NAALADL2: variants seen among roughly 807,000 people sequenced by gnomAD.
NAALADL2 encodes the protein N-acetylated alpha-linked acidic dipeptidase like 2.
Under a neutral mutation model 87.2 loss-of-function variants are expected in NAALADL2, and 76 were observed. The observed-to-expected ratio is 0.87, with a 90% CI of 0.72 to 1.05. The LOEUF is 1.05. NAALADL2 is among the 50% of genes least tolerant of loss of function. The pLI is 0.00. For synonymous variants in NAALADL2, 354 were observed against 331.0 expected (o/e 1.07, Z -0.75); for missense variants, 1,089 against 945.8 (o/e 1.15, Z -1.99).
chr3:174,728,158 T>C (rs1195605470), intron 2 of NAALADL2, among the ~76,000 whole-genome samples: 3 of 152,090 alleles, frequency 2.0e-5, no homozygotes, highest in Non-Finnish European at 4.4e-5. Context: ...TTGGCAATTA[T>C]TAATAAAGAT....
chr3:175,377,448 ATC>A (rs1413393977), intron 5 of NAALADL2, among the ~76,000 whole-genome samples: 2 of 151,930 alleles, frequency 1.3e-5, no homozygotes, highest in Non-Finnish European at 2.9e-5. Context: ...GCTTCTTCAC[ATC>A]TCTACTATTT....
chr3:175,487,582 T>TA (rs1727475239), intron 9 of NAALADL2: 1 of 454,554 alleles, frequency 2.2e-6, no homozygotes, highest in African/African-American at 2.0e-5. Context: ...AGAGCTCTTA[T>TA]ATGAAGAGAA....
Position 174,923,810 on chromosome 3 carries a change from G to A in NAALADL2, c.43+64360G>A, listed in dbSNP as rs931957547. 3.9e-5 allele frequency among the ~76,000 whole-genome samples: 6 copies of A among 152,106 alleles called. 1 individual carries two copies. Among genetic ancestry groups the A allele is most frequent in the Admixed American group, 6.5e-5 (1 of 15,286 alleles). ...GGTACTTTTGACAGTATCTTCTGAG[G>A]TTTTGCTGGTATGGCACTGTAGAGG... On this transcript the variant is annotated intron_variant, in intron 1 of 13. Transcript: ENST00000454872.
chr3:174,737,413 T>A (rs1363032147), intron 2 of NAALADL2, among the ~76,000 whole-genome samples: 1 of 152,236 alleles, frequency 6.6e-6, no homozygotes, highest in South Asian at 2.1e-4. Context: ...GAAAAGTATT[T>A]GTGTGTTTTT....
intron 2 of NAALADL2, among the ~76,000 whole-genome samples, chr3:174,664,755 G>C (rs1725815505): frequency 6.6e-6 from 1 of 152,148 alleles, no homozygotes; most frequent in Non-Finnish European, 1.5e-5. Context: ...TCCTGTGCTT[G>C]CTACTTTGTC....
intron 9 of NAALADL2, among the ~76,000 whole-genome samples, chr3:175,557,270 G>T: frequency 6.6e-6 from 1 of 151,738 alleles, no homozygotes; most frequent in East Asian, 1.9e-4. Flanking sequence ...AATTTTTGTG[G>T]GTACATGGTA....
rs190935072 is a variant in NAALADL2 at position 174,781,470 on chromosome 3, A to G, written c.-9+43724A>G. ...AGTGATGGGGAGAATGGAACCCTCA[A>G]AATTTTGAATTTCAATGACCTGATA... On this transcript the variant is annotated intron_variant, in intron 3 of 3. Transcript: ENST00000434257. Among the ~76,000 whole-genome samples, 8 of 151,668 alleles carry G rather than the reference A, an allele frequency of 5.3e-5. No individual in the cohort carries two copies. The East Asian group carries it at 1.0e-3, about 19-fold the overall frequency.
At chr3:175,243,413 C>A (rs1009765452) in intron 3 of NAALADL2, among the ~76,000 whole-genome samples, 6 of 151,752 alleles carry the variant, frequency 4.0e-5, no homozygotes, top group Admixed American at 2.0e-4. Context: ...TTGCATCTTT[C>A]CCAATTCTCA....
chr3:174,831,721 G>T (rs1400430005), intron 3 of NAALADL2, among the ~76,000 whole-genome samples: 1 of 151,350 alleles, frequency 6.6e-6, no homozygotes, highest in African/African-American at 2.4e-5. Context: ...GAATTCGGCT[G>T]TGAATCCATC....
At chr3:175,171,509 G>T (rs1734805338) in intron 2 of NAALADL2, among the ~76,000 whole-genome samples, 2 of 151,842 alleles carry the variant, frequency 1.3e-5, no homozygotes, top group Admixed American at 6.6e-5. Context: ...AATACCAATG[G>T]GTATATGAAC....
intron 5 of NAALADL2, among the ~76,000 whole-genome samples, chr3:175,439,367 G>T (rs1406693244): frequency 6.6e-6 from 1 of 151,794 alleles, no homozygotes; most frequent in Non-Finnish European, 1.5e-5. Flanking sequence ...CAGGAGTGGG[G>T]TTGCTGGATA....
chr3:175,441,496 C>T (rs983502624), intron 5 of NAALADL2, among the ~76,000 whole-genome samples: 1 of 152,080 alleles, frequency 6.6e-6, no homozygotes, highest in African/African-American at 2.4e-5. Context: ...AATGTGCATA[C>T]AAATCACCTG....
intron 3 of NAALADL2, among the ~76,000 whole-genome samples, chr3:174,829,270 C>T (rs1237341946): frequency 2.0e-5 from 3 of 150,918 alleles, no homozygotes; most frequent in Non-Finnish European, 4.4e-5. Flanking sequence ...CCCCCATCCC[C>T]CCACCCCACA....
intron 6 of NAALADL2, among the ~76,000 whole-genome samples, chr3:175,454,711 T>G (rs144205343): frequency 1.9e-3 from 282 of 152,224 alleles, no homozygotes; most frequent in African/African-American, 6.6e-3. Flanking sequence ...CAAGATTTGT[T>G]TTGTATTTTA....
chr3:175,557,696 A>AC (rs1215540690), intron 9 of NAALADL2, among the ~76,000 whole-genome samples: 1 of 151,780 alleles, frequency 6.6e-6, no homozygotes, highest in Non-Finnish European at 1.5e-5. Flanking sequence ...TGACACAGTG[A>AC]CCCCCAGTTC....
intron 11 of NAALADL2, among the ~76,000 whole-genome samples, chr3:175,736,994 G>A (rs1250949904): frequency 6.6e-6 from 1 of 152,116 alleles, no homozygotes; most frequent in Non-Finnish European, 1.5e-5. Flanking sequence ...GAACTGTAAG[G>A]AATTATTTAA....
rs570210044 is a variant in NAALADL2 at position 175,559,739 on chromosome 3, C to T, written c.1654-16302C>T. Among the ~76,000 whole-genome samples the T allele has an allele frequency of 9.2e-5, 14 of 152,268 alleles. No individual in the cohort carries two copies. In the South Asian group the frequency reaches 2.3e-3, roughly 25 times the overall value. Reference sequence around the variant, plus strand: ...ATCCTGTTGAAATGGTGTATCACATCGACTGATTTGCATATGTTGCACCAA... The same window carrying T: ...ATCCTGTTGAAATGGTGTATCACATTGACTGATTTGCATATGTTGCACCAA... On this transcript the variant is annotated intron_variant, in intron 9 of 13. Transcript: ENST00000454872.
chr3:175,248,413 C>G (rs1006671497), intron 3 of NAALADL2, among the ~76,000 whole-genome samples: 1 of 152,226 alleles, frequency 6.6e-6, no homozygotes, highest in African/African-American at 2.4e-5. Context: ...CTGGATCACT[C>G]AATAACTGAA....
At chr3:175,245,105 C>A (rs2109678329) in intron 3 of NAALADL2, among the ~76,000 whole-genome samples, 1 of 152,164 alleles carries the variant, frequency 6.6e-6, no homozygotes, top group African/African-American at 2.4e-5. Context: ...TACTTCTCTA[C>A]ATATTTTTCA....
Sources: allele counts gnomAD v4.1 joint callset (sites outside exome capture counted in the v4.1 genomes callset), GRCh38; gene constraint gnomAD v4.1.1; transcripts MANE v1.5; gene names NCBI Gene and HGNC (gene_info 2026-07-23, HGNC 2026-07-21).